The following KDM5A variants were observed in gnomAD, a reference collection of about 807,000 sequenced individuals.
KDM5A encodes lysine demethylase 5A.
KDM5A carries 42 observed loss-of-function variants against 193.5 expected under a neutral mutation model. That is an observed-to-expected ratio of 0.22 (90% CI 0.17 to 0.28). KDM5A has a LOEUF of 0.28. KDM5A is among the 10% of genes least tolerant of loss of function. KDM5A has a pLI of 1.00. For synonymous variants in KDM5A, 796 were observed against 718.1 expected, an observed-to-expected ratio of 1.11 and a Z score of -1.73; for missense variants, 1,692 against 2,055.1, an observed-to-expected ratio of 0.82 and a Z score of 3.42.
intron 3 of KDM5A, among the ~76,000 whole-genome samples, chr12:376,692 G>A (rs899072050): frequency 5.3e-5 from 8 of 152,292 alleles, no homozygotes; most frequent in South Asian, 4.1e-4. Context: ...GCTGTAGACC[G>A]GAGCTGTTCC....
Position 355,158 on chromosome 12 carries a change from A to C in KDM5A, c.870T>G (p.Phe290Leu), listed in dbSNP as rs1438185453. Residue 290 changes from phenylalanine (F) to leucine (L), a missense_variant and splice_region_variant, in exon 7 of 28, where the codon TTT (phenylalanine) becomes TTG (leucine). Physicochemically the swap from Phe to Leu is conservative, Grantham distance 22. Around this residue, in one of 11 missense-constraint regions of KDM5A, gnomAD observed 134 missense variants for 124.2 expected, o/e 1.08. Transcript: ENST00000399788. ...TCCTGACAGACCCCAAAACACTTAC[A>C]AAGTTAACAGAGAGAGTGCCTTTCC... ...RQRKGTLSVN[F>L]VDLYVCMFCG... 1 of 1,583,178 alleles carries C rather than the reference A, an allele frequency of 6.3e-7. No homozygotes were observed. The highest frequency in any genetic ancestry group is 1.3e-5 in the African/African-American group (1 of 74,402).
Position 285,348 on chromosome 12 carries a change from A to G in KDM5A, c.*108T>C. ...ACTAAGGGGACTTTCTCTGAAGGCC[A>G]TTCATCTTTGGAAGCAACATTCCAA... On this transcript the variant is annotated 3_prime_UTR_variant, in exon 28 of 28. Transcript: ENST00000399788. The G allele has an allele frequency of 1.0e-6, 1 of 967,762 alleles. No homozygotes were observed. The highest frequency in any genetic ancestry group is 1.4e-5 in the South Asian group (1 of 69,452). The allele number at this position is 967,762 out of a possible 1,614,324, so 59.9% of individuals were successfully genotyped here.
chr12:363,291 A>C (rs1237059357), intron 4 of KDM5A, among the ~76,000 whole-genome samples, 194 bp from the exon 5 acceptor site: 1 of 152,190 alleles, frequency 6.6e-6, no homozygotes, highest in Non-Finnish European at 1.5e-5. Flanking sequence ...CCGACCCTAA[A>C]ATTTATTTGG....
rs772945383 is a variant in KDM5A, at chr12:362,956, T to C, written c.672+7A>G. 3 of 1,613,788 alleles carry C rather than the reference T, an allele frequency of 1.9e-6. No individual in the cohort carries two copies. The highest frequency in any genetic ancestry group is 4.5e-5 in the East Asian group (2 of 44,894). On this transcript the variant is annotated splice_region_variant and intron_variant, in intron 5 of 27. Transcript: ENST00000399788. The stretch of plus-strand genomic sequence containing the variant: ...TAAAAATTTAAAAAAGCCCAAGACA[T>C]TGATACCTGAGTCTTCACACGTCTT...
rs1279638303 is a variant in KDM5A, at chr12:282,324, T to C, written c.*3132A>G. Reference sequence around the variant, plus strand: ...TGTTTTTTATTATTAAAGTACATTATGGGTAATCACAGGTTTAATGTTTGC... The same window carrying C: ...TGTTTTTTATTATTAAAGTACATTACGGGTAATCACAGGTTTAATGTTTGC... On this transcript the variant is annotated 3_prime_UTR_variant, in exon 28 of 28. Transcript: ENST00000399788. 2 of 233,418 alleles carry C rather than the reference T, an allele frequency of 8.6e-6. No homozygotes were observed. Among genetic ancestry groups the C allele is most frequent in the African/African-American group, 4.4e-5 (2 of 45,362 alleles). The allele number at this position is 233,418 out of a possible 1,614,324, so 14.5% of individuals were successfully genotyped here. A position where few individuals can be genotyped will look rare whatever the true frequency, so the allele number is the denominator to read the frequency against.
In KDM5A at chr12:307,876, C is replaced by T. The variant is rs946420332; in HGVS notation, c.3508G>A (p.Ala1170Thr). 6.2e-7 allele frequency: 1 copy of T among 1,614,138 alleles called. No homozygotes were observed. The highest frequency in any genetic ancestry group is 1.3e-5 in the African/African-American group (1 of 75,042). The change falls in exon 23 of 28, where the codon GCC becomes ACC. Residue 1170 changes from alanine to threonine, a missense_variant. Around this residue, in one of 11 missense-constraint regions of KDM5A, gnomAD observed 965 missense variants for 1,061.0 expected, o/e 0.91. Coordinates refer to ENST00000399788, the MANE Select transcript of KDM5A (RefSeq NM_001042603.3). This position sits in a 1 kb window ranked among gnomAD's most constrained non-coding sequence, Gnocchi z 4.3. ...TCACACTGTAGCATAAACCCACTGGCTGTCTTGCGGCAAATGCAAAATTTT... is the reference window on the plus strand; with the variant it reads ...TCACACTGTAGCATAAACCCACTGGTTGTCTTGCGGCAAATGCAAAATTTT... ...EVKFCICRKT[A>T]SGFMLQCELC...
At position 321,109 on chromosome 12, in the gene KDM5A, T is replaced by C; in HGVS notation, c.2427A>G (p.Arg809=). Residue 809 remains arginine (R), a splice_region_variant and synonymous_variant, in exon 18 of 28, where the codon AGA becomes AGG. Coordinates refer to ENST00000399788, the MANE Select transcript of KDM5A (RefSeq NM_001042603.3). ...GAGTCCTCCCACTATCTGGGCTCTG[T>C]CTGATGTGAAATAATATTGAGATAT... ...QLLLSKKQKH[R]QSPDSGRTRT... 1.9e-6 allele frequency: 3 copies of C among 1,602,594 alleles called. No individual in the cohort carries two copies. Among genetic ancestry groups the C allele is most frequent in the Non-Finnish European group, 2.6e-6 (3 of 1,169,512 alleles).
intron 4 of KDM5A, among the ~76,000 whole-genome samples, chr12:363,951 T>C (rs1216597810): frequency 6.6e-6 from 1 of 152,012 alleles, no homozygotes; most frequent in Non-Finnish European, 1.5e-5. Context: ...CACCAAGATA[T>C]ACAAATGTTT....
At chr12:368,949 GGA>G (rs1944390674) in intron 3 of KDM5A, among the ~76,000 whole-genome samples, 1 of 152,188 alleles carries the variant, frequency 6.6e-6, no homozygotes, top group African/African-American at 2.4e-5. Context: ...GACAAATGGA[GGA>G]GAGGGTACAC....
rs1944122171 is a variant in KDM5A at position 349,452 on chromosome 12, C to T, written c.1308+1169G>A. 2.6e-5 allele frequency among the ~76,000 whole-genome samples: 4 copies of T among 151,680 alleles called. No individual in the cohort carries two copies. In the South Asian group the frequency reaches 8.3e-4, roughly 32 times the overall value. ...TTCAAGCAATTCTCTGCCTCAGCCT[C>T]CTGAGTAGCTGGGATTACAGGCGCC... On this transcript the variant is annotated intron_variant, in intron 10 of 27. Coordinates refer to ENST00000399788, the MANE Select transcript of KDM5A (RefSeq NM_001042603.3).
chr12:321,273 G>C (rs1359413967), intron 17 of KDM5A, among the ~76,000 whole-genome samples, 164 bp from the exon 18 acceptor site: 1 of 152,242 alleles, frequency 6.6e-6, no homozygotes, highest in South Asian at 2.1e-4. Flanking sequence ...GAGTTATTCA[G>C]TTAATGACTC....
intron 27 of KDM5A, among the ~76,000 whole-genome samples, chr12:287,847 C>T (rs1282168275): frequency 6.6e-6 from 1 of 152,122 alleles, no homozygotes; most frequent in Non-Finnish European, 1.5e-5. Flanking sequence ...TGTCCCATGT[C>T]TTTTTAAATC....
Position 365,973 on chromosome 12 carries a change from G to A in KDM5A, c.498C>T (p.Leu166=). The A allele has an allele frequency of 1.2e-6, 2 of 1,614,018 alleles. No individual in the cohort carries two copies. The highest frequency in any genetic ancestry group is 1.7e-6 in the Non-Finnish European group (2 of 1,179,884). The change falls in exon 4 of 28, where the codon CTC becomes CTT. Residue 166 remains leucine, a synonymous_variant. Transcript: ENST00000399788. ...SLLKSHYERI[L]YPYELFQSGV... ...CAGACTGGAAAAGCTCATATGGGTA[G>A]AGAATTCTTTCATAATGTGACTTCA...
At chr12:319,482 G>A (rs1435230809) in intron 18 of KDM5A, among the ~76,000 whole-genome samples, 9 of 152,216 alleles carry the variant, frequency 5.9e-5, no homozygotes, top group Admixed American at 5.9e-4. Context: ...AAGGCGTGGT[G>A]GCTCATGTCT....
chr12:329,229 A>T, intron 13 of KDM5A, 200 bp from the exon 14 acceptor site: 3 of 594,478 alleles, frequency 5.0e-6, no homozygotes. Flanking sequence ...TTTCCCACAG[A>T]AAATTCCCAT....
chr12:350,687 G>A lies in KDM5A; in HGVS notation c.1242C>T (p.Ser414=), dbSNP rs1944145941. The change falls in exon 10 of 28, where the codon TCC becomes TCT. Residue 414 remains serine, a synonymous_variant. Coordinates refer to ENST00000399788, the MANE Select transcript of KDM5A (RefSeq NM_001042603.3). ...GAAATCCACTTCCAAAGTCTTTTGAGGAGATATCTGCTCCATATTCCACAA... is the reference window on the plus strand; with the variant it reads ...GAAATCCACTTCCAAAGTCTTTTGAAGAGATATCTGCTCCATATTCCACAA... ...DVIVEYGADI[S]SKDFGSGFPV... The A allele has an allele frequency of 6.2e-7, 1 of 1,614,028 alleles. No individual in the cohort carries two copies. The highest frequency in any genetic ancestry group is 8.5e-7 in the Non-Finnish European group (1 of 1,179,974).
At position 323,223 on chromosome 12, in the gene KDM5A, A is replaced by AAAAAAAAAAAAAAAAAAAC; in HGVS notation, c.2151-18_2151-17insGTTTTTTTTTTTTTTTTTT. On this transcript the variant is annotated splice_polypyrimidine_tract_variant and intron_variant, in intron 15 of 27. Transcript: ENST00000399788. ...TAGCGATATCTACAAAAAAAAAAAA[A>AAAAAAAAAAAAAAAAAAAC]AAAAAAAAAAAAAAAAGAAAACAGA... The AAAAAAAAAAAAAAAAAAAC allele has an allele frequency of 6.8e-7, 1 of 1,476,422 alleles. No individual in the cohort carries two copies. Among genetic ancestry groups the AAAAAAAAAAAAAAAAAAAC allele is most frequent in the Non-Finnish European group, 9.0e-7 (1 of 1,106,186 alleles). The allele number at this position is 1,476,422 out of a possible 1,614,324, so 91.5% of individuals were successfully genotyped here.
At chr12:292,515 T>C (rs1252043053) in intron 27 of KDM5A, among the ~76,000 whole-genome samples, 1 of 152,222 alleles carries the variant, frequency 6.6e-6, no homozygotes, top group Non-Finnish European at 1.5e-5. Context: ...GAATGTCACA[T>C]AGCTTCTCTC....
intron 7 of KDM5A, among the ~76,000 whole-genome samples, chr12:354,884 G>A (rs1353417302): frequency 6.6e-6 from 1 of 152,122 alleles, no homozygotes; most frequent in Non-Finnish European, 1.5e-5. Flanking sequence ...TGAATACTGA[G>A]ACTGTCTATA....
Sources: allele counts gnomAD v4.1 joint callset (sites outside exome capture counted in the v4.1 genomes callset), GRCh38; gene constraint gnomAD v4.1.1; regional missense constraint gnomAD v4.1.1; non-coding constraint Gnocchi (gnomAD v3.1); transcripts MANE v1.5; gene names NCBI Gene and HGNC (gene_info 2026-07-23, HGNC 2026-07-21).